Variants in TEX11 observed in about 807,000 individuals in gnomAD.
The protein encoded by TEX11 is testis expressed 11, also known as testis-expressed protein 11.
A neutral mutation model predicts 84.4 loss-of-function variants in TEX11; 7 were observed. The ratio of observed to expected loss-of-function variants is 0.08; its 90% CI spans 0.05 to 0.16. TEX11 has a LOEUF of 0.16. Among genes scored for constraint, TEX11 ranks in the 10% least tolerant of loss-of-function variants. The pLI is 1.00. For missense variants in TEX11, 551 were observed against 660.5 expected (o/e 0.83, Z 1.82); for synonymous variants, 264 against 222.8 (o/e 1.18, Z -1.64).
chrX:70,777,496 A>G (rs2091009622), intron 9 of TEX11, among the ~76,000 whole-genome samples: 1 of 111,205 alleles, frequency 9.0e-6, no homozygotes, highest in South Asian at 3.8e-4. Flanking sequence ...CTAAAAATAC[A>G]AAATTAGCTG....
intron 2 of TEX11, among the ~76,000 whole-genome samples, chrX:70,883,200 C>T (rs763171398): frequency 8.6e-4 from 96 of 111,433 alleles, no homozygotes; most frequent in South Asian, 8.3e-3. Flanking sequence ...CCCAGCCTGG[C>T]CTGAAACTCT....
At chrX:70,708,676 C>G (rs780661246) in intron 13 of TEX11, among the ~76,000 whole-genome samples, 2 of 111,165 alleles carry the variant, frequency 1.8e-5, no homozygotes, top group African/African-American at 6.5e-5. Context: ...GGCCATAATC[C>G]TAAGCAAATT....
chrX:70,719,620 A>G (rs1484089565), intron 13 of TEX11, among the ~76,000 whole-genome samples: 1 of 112,121 alleles, frequency 8.9e-6, no homozygotes, highest in Non-Finnish European at 1.9e-5. Flanking sequence ...CAATCTACTC[A>G]TCTGACAAAG....
chrX:70,664,277 A>T (rs1274971556), intron 16 of TEX11, among the ~76,000 whole-genome samples: 1 of 111,741 alleles, frequency 8.9e-6, no homozygotes, highest in African/African-American at 3.2e-5. Context: ...AGTGACTCAC[A>T]TATGCTGCTT....
rs753998831 is a variant in TEX11 at position 70,726,748 on chromosome X, C to T, written c.844-1405G>A. Among the ~76,000 whole-genome samples the T allele has an allele frequency of 3.6e-5, 4 of 110,195 alleles. No homozygotes were observed. In the South Asian group the frequency reaches 1.6e-3, roughly 44 times the overall value. On this transcript the variant is annotated intron_variant, in intron 11 of 29. Transcript: ENST00000374333. ...GTTTCACCATGTTGGCCAGACTGTT[C>T]TCGAACTCCTGACCTCAAGTGATCC...
intron 16 of TEX11, among the ~76,000 whole-genome samples, chrX:70,660,335 C>A (rs1218189977): frequency 8.9e-6 from 1 of 112,170 alleles, no homozygotes; most frequent in South Asian, 3.7e-4. Flanking sequence ...AACTTTTTAA[C>A]TTTATAAACT....
intron 9 of TEX11, among the ~76,000 whole-genome samples, chrX:70,768,817 A>G (rs777704248): frequency 8.9e-6 from 1 of 112,113 alleles, no homozygotes; most frequent in South Asian, 3.7e-4. Context: ...TTAATTGCAC[A>G]TAGAACATTC....
At chrX:70,718,817 G>A (rs764164105) in intron 13 of TEX11, among the ~76,000 whole-genome samples, 4 of 111,264 alleles carry the variant, frequency 3.6e-5, no homozygotes, top group South Asian at 7.6e-4. Context: ...TATAAGGACC[G>A]GCCCTCTGAC....
chrX:70,532,894 C>A (rs934919291), intron 28 of TEX11, among the ~76,000 whole-genome samples: 1 of 107,277 alleles, frequency 9.3e-6, no homozygotes, highest in South Asian at 4.1e-4. Flanking sequence ...AAACATTAGC[C>A]GGGCGTGGTG....
rs2090170714 is a variant in TEX11, at chrX:70,684,383, C to T, written c.1005-1558G>A. On this transcript the variant is annotated intron_variant, in intron 13 of 29. Transcript: ENST00000374333. ...GGTGGATCACTTGAGGTCAGGAGTT[C>T]GAGACCAGACTGGCCAACATGGTGA... 5.4e-5 allele frequency among the ~76,000 whole-genome samples: 6 copies of T among 111,796 alleles called. No homozygotes were observed. In the South Asian group the frequency reaches 2.2e-3, roughly 42 times the overall value.
intron 9 of TEX11, among the ~76,000 whole-genome samples, chrX:70,806,180 C>T (rs1387090215): frequency 8.9e-6 from 1 of 112,071 alleles, no homozygotes; most frequent in African/African-American, 3.2e-5. Context: ...ACTGGTCAGG[C>T]GTGGTGGCTC....
At chrX:70,591,134 T>A (rs747389266) in intron 25 of TEX11, among the ~76,000 whole-genome samples, 2 of 112,418 alleles carry the variant, frequency 1.8e-5, no homozygotes, top group South Asian at 7.5e-4. Context: ...AAGTTAAAGC[T>A]TGATTAAATT....
chrX:70,516,513 G>A, the TEX11 span, among the ~76,000 whole-genome samples: 1 of 111,686 alleles, frequency 9.0e-6, no homozygotes, highest in Non-Finnish European at 1.9e-5. Flanking sequence ...ATGCTGTTTT[G>A]GTTACCGTAG....
intron 24 of TEX11, among the ~76,000 whole-genome samples, chrX:70,600,346 G>A (rs1387044674): frequency 1.8e-5 from 2 of 111,095 alleles, no homozygotes; most frequent in Non-Finnish European, 3.8e-5. Flanking sequence ...ACCCAATACA[G>A]GAGCACCCAG....
chrX:70,804,540 T>C (rs1024468699), intron 9 of TEX11, among the ~76,000 whole-genome samples: 5 of 112,198 alleles, frequency 4.5e-5, no homozygotes, highest in Non-Finnish European at 7.5e-5. Flanking sequence ...CATATGTAAT[T>C]ACTAGGGCTA....
At chrX:70,578,087 G>A (rs761520336) in intron 25 of TEX11, among the ~76,000 whole-genome samples, 2 of 112,097 alleles carry the variant, frequency 1.8e-5, no homozygotes, top group African/African-American at 3.2e-5. Flanking sequence ...ACAGGGCCAG[G>A]TAAATTGTGT....
intron 5 of TEX11, among the ~76,000 whole-genome samples, chrX:70,859,136 TCTAA>T (rs1015495251): frequency 6.3e-5 from 7 of 111,437 alleles, no homozygotes; most frequent in Admixed American, 3.8e-4. Flanking sequence ...TGATGATTAC[TCTAA>T]CTGAGTGATG....
chrX:70,726,338 G>T (rs1185923824), intron 11 of TEX11, among the ~76,000 whole-genome samples: 1 of 111,095 alleles, frequency 9.0e-6, no homozygotes, highest in African/African-American at 3.3e-5. Context: ...TTTTACTTCT[G>T]TTATCATCAT....
chrX:70,648,426 A>G (rs2089773338), intron 17 of TEX11, among the ~76,000 whole-genome samples: 1 of 110,913 alleles, frequency 9.0e-6, no homozygotes, highest in African/African-American at 3.3e-5. Flanking sequence ...AAATAAATAA[A>G]TAAATAAAAC....
Sources: allele counts gnomAD v4.1 joint callset (sites outside exome capture counted in the v4.1 genomes callset), GRCh38; gene constraint gnomAD v4.1.1; transcripts MANE v1.5; gene names NCBI Gene and HGNC (gene_info 2026-07-23, HGNC 2026-07-21).